Variants in CCSER2 observed in about 807,000 individuals in gnomAD.
CCSER2 encodes the protein serine-rich coiled-coil domain-containing protein 2.
CCSER2 carries 46 observed loss-of-function variants against 92.3 expected under a neutral mutation model. The observed-to-expected ratio is 0.50, with a 90% CI of 0.39 to 0.64. The LOEUF is 0.64. Among genes scored for constraint, CCSER2 ranks in the 30% least tolerant of loss-of-function variants. The pLI, the probability that CCSER2 is intolerant of heterozygous loss-of-function variation, is 0.00. For synonymous variants in CCSER2, 433 were observed against 431.4 expected (o/e 1.00, Z -0.04); for missense variants, 1,244 against 1,238.9 (o/e 1.00, Z -0.06).
At chr10:84,430,247 C>G (rs1469766019) in intron 5 of CCSER2, among the ~76,000 whole-genome samples, 1 of 152,094 alleles carries the variant, frequency 6.6e-6, no homozygotes, top group Non-Finnish European at 1.5e-5. Context: ...CAAAGTCAGC[C>G]AAAGGTGGAA....
intron 9 of CCSER2, among the ~76,000 whole-genome samples, chr10:84,494,796 A>G (rs1374495984): frequency 1.3e-5 from 2 of 152,156 alleles, no homozygotes; most frequent in Non-Finnish European, 2.9e-5. Flanking sequence ...CCAAAGTATT[A>G]TCTGTTCATG....
intron 1 of CCSER2, among the ~76,000 whole-genome samples, chr10:84,346,142 G>T (rs372220084): frequency 6.6e-6 from 1 of 152,172 alleles, no homozygotes; most frequent in Non-Finnish European, 1.5e-5. Context: ...TCGGCTCACC[G>T]CAACCTCTGC....
chr10:84,428,791 A>G (rs1480764921), intron 5 of CCSER2, among the ~76,000 whole-genome samples: 2 of 152,034 alleles, frequency 1.3e-5, no homozygotes, highest in African/African-American at 4.8e-5. Flanking sequence ...ATTCATGGAT[A>G]GTTGAGTGTT....
intron 9 of CCSER2, among the ~76,000 whole-genome samples, chr10:84,491,455 C>A (rs1347675161): frequency 6.6e-6 from 1 of 152,206 alleles, no homozygotes; most frequent in South Asian, 2.1e-4. Context: ...ACCCCTCCCC[C>A]AGCCTTGCTG....
In CCSER2 at chr10:84,358,951, G is replaced by A. The variant is rs140511097; in HGVS notation, c.-39-12063G>A. On this transcript the variant is annotated intron_variant, in intron 1 of 9. Transcript: ENST00000372088. ...ATGTACAGAAGCTTATGAGTTGAAA[G>A]TAGAGGAGTTTCTGTATGTGGGACC... is the stretch of plus-strand genomic sequence containing the variant. Among the ~76,000 whole-genome samples, 7 of 152,248 alleles carry A rather than the reference G, an allele frequency of 4.6e-5. No individual in the cohort carries two copies. In the East Asian group the frequency reaches 1.4e-3, roughly 29 times the overall value.
rs1022929147 is a variant in CCSER2 at position 84,476,846 on chromosome 10, C to T, written c.2236-729C>T. ...TAAATGAGTGTGCTTTGAGTGGAAT[C>T]GTGTGGAGAAATCATTTGTGAACAG... is the stretch of plus-strand genomic sequence containing the variant. On this transcript the variant is annotated intron_variant, in intron 8 of 9. Coordinates refer to ENST00000372088, the MANE Select transcript of CCSER2 (RefSeq NM_001284240.2). 4.6e-5 allele frequency among the ~76,000 whole-genome samples: 7 copies of T among 152,020 alleles called. No individual in the cohort carries two copies. The East Asian group carries it at 5.8e-4, about 13-fold the overall frequency.
intron 1 of CCSER2, among the ~76,000 whole-genome samples, chr10:84,341,154 C>A (rs1844159157): frequency 6.7e-6 from 1 of 150,328 alleles, no homozygotes; most frequent in African/African-American, 2.5e-5. Context: ...GATGTGCCCT[C>A]CCGAGTAGCT....
At chr10:84,421,306 C>T (rs540660103) in intron 4 of CCSER2, among the ~76,000 whole-genome samples, 7 of 152,204 alleles carry the variant, frequency 4.6e-5, no homozygotes, top group South Asian at 2.1e-4. Flanking sequence ...TCCATTCTCA[C>T]GCTGCTATAA....
intron 9 of CCSER2, among the ~76,000 whole-genome samples, chr10:84,481,152 A>G (rs1847434195): frequency 1.3e-5 from 2 of 152,052 alleles, no homozygotes; most frequent in Admixed American, 1.3e-4. Flanking sequence ...ATTTCCCTCC[A>G]CAAACGAGGA....
At chr10:84,436,037 A>G (rs889164409) in intron 5 of CCSER2, among the ~76,000 whole-genome samples, 1 of 152,098 alleles carries the variant, frequency 6.6e-6, no homozygotes, top group African/African-American at 2.4e-5. Context: ...ATGAATTAAG[A>G]AGTCACTCTG....
rs1349212833 is a variant in CCSER2, at chr10:84,517,741, T to G, written c.*3474T>G. On this transcript the variant is annotated 3_prime_UTR_variant, in exon 10 of 10. Coordinates refer to ENST00000372088, the MANE Select transcript of CCSER2 (RefSeq NM_001284240.2). ...TGTTCCGATAAGTATTTTACTTTTT[T>G]CTCAGTACATCAGAGAGAGCGTGAT... 1 of 152,648 alleles carries G rather than the reference T, an allele frequency of 6.6e-6. No individual in the cohort carries two copies. Among genetic ancestry groups the G allele is most frequent in the African/African-American group, 2.4e-5 (1 of 41,456 alleles). The allele number at this position is 152,648 out of a possible 1,614,324, so 9.5% of individuals were successfully genotyped here.
At chr10:84,383,108 T>A (rs1285875247) in intron 3 of CCSER2, among the ~76,000 whole-genome samples, 1 of 152,178 alleles carries the variant, frequency 6.6e-6, no homozygotes, top group Non-Finnish European at 1.5e-5. Flanking sequence ...GCACTGAAAT[T>A]TGGAATTTCT....
chr10:84,334,082 A>T (rs1564572920), intron 1 of CCSER2, among the ~76,000 whole-genome samples: 1 of 152,094 alleles, frequency 6.6e-6, no homozygotes, highest in Admixed American at 6.5e-5. Flanking sequence ...GTCAGGGAGG[A>T]TGGGGGAAGA....
intron 1 of CCSER2, among the ~76,000 whole-genome samples, chr10:84,347,923 C>T (rs985083696): frequency 6.6e-6 from 1 of 152,110 alleles, no homozygotes; most frequent in African/African-American, 2.4e-5. Context: ...CTCCTCACTT[C>T]CTAGGTGGGA....
At chr10:84,392,793 G>T (rs1037587155) in intron 3 of CCSER2, among the ~76,000 whole-genome samples, 2 of 152,076 alleles carry the variant, frequency 1.3e-5, no homozygotes, top group African/African-American at 2.4e-5. Flanking sequence ...ATGGGGCTTG[G>T]TATATCAAAC....
chr10:84,359,647 G>A, intron 1 of CCSER2, among the ~76,000 whole-genome samples: 1 of 152,102 alleles, frequency 6.6e-6, no homozygotes, highest in African/African-American at 2.4e-5. Flanking sequence ...GTTAAATGTA[G>A]AGATCCAGGG....
At chr10:84,363,087 T>A (rs1845594260) in intron 1 of CCSER2, among the ~76,000 whole-genome samples, 1 of 150,804 alleles carries the variant, frequency 6.6e-6, no homozygotes, top group Admixed American at 6.6e-5. Context: ...CCTCAGGTGA[T>A]CCACCCGCCT....
intron 3 of CCSER2, among the ~76,000 whole-genome samples, chr10:84,395,833 C>T (rs1439406519): frequency 6.6e-6 from 1 of 152,188 alleles, no homozygotes; most frequent in Non-Finnish European, 1.5e-5. Context: ...TGTATTTTCC[C>T]TGCCCTAGCC....
chr10:84,437,148 CACAGAGAGAGAG>C (rs780684298), intron 5 of CCSER2, among the ~76,000 whole-genome samples: 4 of 143,276 alleles, frequency 2.8e-5, no homozygotes, highest in South Asian at 2.3e-4. Flanking sequence ...CACACACACA[CACAGAGAGAGAG>C]AGAGAGAGAG....
Sources: gnomAD v4.1 joint callset for allele counts (sites outside exome capture counted in the v4.1 genomes callset) on GRCh38, gnomAD v4.1.1 for gene constraint, MANE v1.5 for transcripts, NCBI Gene and HGNC (gene_info 2026-07-23, HGNC 2026-07-21) for gene names.